The following RAPGEF5 variants were observed in gnomAD, a reference collection of about 807,000 sequenced individuals.
RAPGEF5 encodes M-Ras-regulated GEF.
In RAPGEF5, 65 loss-of-function variants were observed where a neutral mutation model predicts 125.2. The observed-to-expected ratio is 0.52, with a 90% CI of 0.43 to 0.64. The LOEUF (loss-of-function observed/expected upper bound fraction) is 0.64, where lower values mean the gene tolerates loss of function less well. Ranked by LOEUF, RAPGEF5 falls within the 30% of genes least tolerant of loss-of-function variation. The pLI, the probability that RAPGEF5 is intolerant of heterozygous loss-of-function variation, is 0.00. For synonymous variants in RAPGEF5, 391 were observed against 385.9 expected, an observed-to-expected ratio of 1.01 and a Z score of -0.16; for missense variants, 958 against 1,048.1, an observed-to-expected ratio of 0.91 and a Z score of 1.19.
At chr7:22,240,681 T>C (rs2128136138) in intron 7 of RAPGEF5, among the ~76,000 whole-genome samples, 1 of 151,386 alleles carries the variant, frequency 6.6e-6, no homozygotes, top group East Asian at 1.9e-4. Flanking sequence ...CCAGCTTTAC[T>C]TTTTTTTTGT....
chr7:22,171,964 CTTGATAATCA>C (rs760779238), intron 11 of RAPGEF5, among the ~76,000 whole-genome samples: 2 of 152,088 alleles, frequency 1.3e-5, no homozygotes, highest in Non-Finnish European at 2.9e-5. Flanking sequence ...AAAGTAACAT[CTTGATAATCA>C]TTGAAATTGG....
At chr7:22,301,118 G>A in intron 5 of RAPGEF5, among the ~76,000 whole-genome samples, 1 of 152,192 alleles carries the variant, frequency 6.6e-6, no homozygotes, top group East Asian at 1.9e-4. Context: ...GCCTCGGGTA[G>A]TTATTGTTTG....
chr7:22,199,865 C>A (rs1313900098), intron 9 of RAPGEF5, among the ~76,000 whole-genome samples: 1 of 152,154 alleles, frequency 6.6e-6, no homozygotes, highest in Non-Finnish European at 1.5e-5. Context: ...GAAGTGCTAA[C>A]AGCAGAGATG....
intron 12 of RAPGEF5, among the ~76,000 whole-genome samples, chr7:22,164,458 A>T (rs1784100279): frequency 6.6e-6 from 1 of 152,220 alleles, no homozygotes; most frequent in South Asian, 2.1e-4. Context: ...TTAGGTCATC[A>T]TATGTAAATG....
chr7:22,206,216 GATTTACT>G (rs1379377980), intron 9 of RAPGEF5, among the ~76,000 whole-genome samples: 3 of 152,114 alleles, frequency 2.0e-5, no homozygotes, highest in African/African-American at 7.2e-5. Flanking sequence ...GAGGTAAAGT[GATTTACT>G]AAATCAGCAC....
At chr7:22,217,812 G>A (rs1055785538) in intron 9 of RAPGEF5, among the ~76,000 whole-genome samples, 7 of 152,070 alleles carry the variant, frequency 4.6e-5, no homozygotes, top group African/African-American at 7.2e-5. Context: ...TGACAGTCAC[G>A]CAAGAAGTAA....
chr7:22,130,434 T>C (rs1032339970), intron 24 of RAPGEF5, among the ~76,000 whole-genome samples: 1 of 152,186 alleles, frequency 6.6e-6, no homozygotes, highest in Admixed American at 6.5e-5. Flanking sequence ...TGGGAACCTC[T>C]TGCTTGTAAG....
intron 1 of RAPGEF5, among the ~76,000 whole-genome samples, chr7:22,344,092 A>G (rs1784179237): frequency 6.6e-6 from 1 of 152,184 alleles, no homozygotes; most frequent in African/African-American, 2.4e-5. Flanking sequence ...AGGACCCTCT[A>G]CGGTGAAGCC....
chr7:22,219,758 C>G, intron 9 of RAPGEF5, 108 bp downstream of exon 9: 1 of 1,419,832 alleles, frequency 7.0e-7, no homozygotes, highest in Non-Finnish European at 9.3e-7. Flanking sequence ...AAAAAACCCC[C>G]AAAACCTAAA....
chr7:22,291,798 C>G (rs1171029663), intron 5 of RAPGEF5, among the ~76,000 whole-genome samples: 1 of 152,100 alleles, frequency 6.6e-6, no homozygotes, highest in African/African-American at 2.4e-5. Context: ...AACTAAGAAG[C>G]TAAGAATATT....
At position 22,301,430 on chromosome 7, in the gene RAPGEF5, A is replaced by G. The variant is rs548659426; in HGVS notation, c.680+6909T>C. Among the ~76,000 whole-genome samples, 65 of 152,200 alleles carry G rather than the reference A, an allele frequency of 4.3e-4. 2 individuals are homozygous for G. The East Asian group carries it at 0.012, about 28-fold the overall frequency. The stretch of plus-strand genomic sequence containing the variant: ...GGAGATCGAGACCATCCTGGCTAAC[A>G]CAGTGAAACCCCATCTCTACTAAAA... On this transcript the variant is annotated intron_variant, in intron 5 of 25. Coordinates refer to ENST00000665637, the MANE Select transcript of RAPGEF5 (RefSeq NM_012294.5).
At chr7:22,193,295 C>T (rs1785052952) in intron 11 of RAPGEF5, 72 bp downstream of exon 11, 3 of 1,487,670 alleles carry the variant, frequency 2.0e-6, no homozygotes, top group Non-Finnish European at 2.7e-6. Context: ...CAGTGGGAAC[C>T]TTGCCCCTGA....
chr7:22,250,484 T>C (rs577543089), intron 7 of RAPGEF5, among the ~76,000 whole-genome samples: 79 of 152,250 alleles, frequency 5.2e-4, no homozygotes, highest in Non-Finnish European at 1.0e-3. Context: ...TTTCTTCACA[T>C]ACCATGTTCA....
intron 11 of RAPGEF5, among the ~76,000 whole-genome samples, chr7:22,171,763 G>T (rs569040627): frequency 6.6e-6 from 1 of 152,280 alleles, no homozygotes; most frequent in African/African-American, 2.4e-5. Context: ...GCCTCCCAAA[G>T]TGCTGGGATT....
rs374535144 is a variant in RAPGEF5 at position 22,130,193 on chromosome 7, C to T, written c.2481+844G>A. Among the ~76,000 whole-genome samples, 264 of 152,344 alleles carry T rather than the reference C, an allele frequency of 1.7e-3. 2 individuals are homozygous for T. The highest frequency in any genetic ancestry group is 0.012 in the South Asian group (58 of 4,828). ...GTCTTTAACCATGAAGGACAGTTTACTCTATGACACTAAAGTTCATCTGTC... is the reference window on the plus strand; with the variant it reads ...GTCTTTAACCATGAAGGACAGTTTATTCTATGACACTAAAGTTCATCTGTC... On this transcript the variant is annotated intron_variant, in intron 24 of 25. Coordinates refer to ENST00000665637, the MANE Select transcript of RAPGEF5 (RefSeq NM_012294.5).
chr7:22,306,617 G>C (rs4722125), intron 5 of RAPGEF5, among the ~76,000 whole-genome samples: 15,347 of 152,178 alleles, frequency 0.1, 1,196 homozygotes, highest in East Asian at 0.42. Flanking sequence ...TGTGCTTGTG[G>C]AGTATTGCTC....
chr7:22,216,332 T>C (rs896851439), intron 9 of RAPGEF5, among the ~76,000 whole-genome samples: 2 of 152,204 alleles, frequency 1.3e-5, no homozygotes, highest in African/African-American at 4.8e-5. Context: ...TTAGGGTAGC[T>C]GGTAGACTTT....
intron 6 of RAPGEF5, among the ~76,000 whole-genome samples, chr7:22,272,586 C>T (rs1312466046): frequency 1.3e-5 from 2 of 151,976 alleles, no homozygotes; most frequent in Non-Finnish European, 2.9e-5. Context: ...GCCCATTTTT[C>T]TCAATTTCCT....
intron 11 of RAPGEF5, among the ~76,000 whole-genome samples, chr7:22,168,781 C>T (rs1784252525): frequency 6.6e-6 from 1 of 152,150 alleles, no homozygotes; most frequent in African/African-American, 2.4e-5. Flanking sequence ...CAAGGAAATC[C>T]TAATCCACAT....
Sources: allele counts gnomAD v4.1 joint callset (sites outside exome capture counted in the v4.1 genomes callset), GRCh38; gene constraint gnomAD v4.1.1; transcripts MANE v1.5; gene names NCBI Gene and HGNC (gene_info 2026-07-23, HGNC 2026-07-21).